The following WDFY2 variants were observed in gnomAD, a reference collection of about 807,000 sequenced individuals.
The protein encoded by WDFY2 is WD repeat and FYVE domain containing 2, also known as WD repeat and FYVE domain-containing protein 2.
WDFY2 carries 36 observed loss-of-function variants against 56.4 expected under a neutral mutation model. That is an observed-to-expected ratio of 0.64 (90% CI 0.49 to 0.84). WDFY2 has a LOEUF of 0.84. Ranked by LOEUF, WDFY2 falls within the 40% of genes least tolerant of loss-of-function variation. The probability of loss-of-function intolerance (pLI) is 0.00; values close to 1 mark genes in which losing one functional copy is unlikely to be tolerated. For synonymous variants in WDFY2, 176 were observed against 183.7 expected (o/e 0.96, Z 0.34); for missense variants, 444 against 512.2 (o/e 0.87, Z 1.29).
chr13:51,682,714 A>G (rs1416224997), intron 3 of WDFY2, among the ~76,000 whole-genome samples: 1 of 152,234 alleles, frequency 6.6e-6, no homozygotes, highest in African/African-American at 2.4e-5. Context: ...GAAAGCTCTT[A>G]GAACAGTCCC....
At chr13:51,678,507 A>T (rs1593404888) in intron 3 of WDFY2, among the ~76,000 whole-genome samples, 1 of 152,312 alleles carries the variant, frequency 6.6e-6, no homozygotes, top group South Asian at 2.1e-4. Context: ...GGAAAAATTT[A>T]TGCCAATAGT....
At chr13:51,721,797 A>G (rs1240612689) in intron 5 of WDFY2, among the ~76,000 whole-genome samples, 2 of 152,224 alleles carry the variant, frequency 1.3e-5, no homozygotes, top group African/African-American at 4.8e-5. Flanking sequence ...TCCATTGCTA[A>G]ACACTGATGG....
At chr13:51,633,935 A>G (rs1383023437) in intron 1 of WDFY2, among the ~76,000 whole-genome samples, 6 of 152,304 alleles carry the variant, frequency 3.9e-5, no homozygotes, top group African/African-American at 1.4e-4. Flanking sequence ...GCAGTGCCAC[A>G]CTATTTTAGT....
Position 51,764,576 on chromosome 13 carries a change from T to C in WDFY2, c.*4807T>C, listed in dbSNP as rs1224527821. The C allele has an allele frequency of 6.6e-6, 1 of 152,500 alleles. No individual in the cohort carries two copies. The highest frequency in any genetic ancestry group is 1.5e-5 in the Non-Finnish European group (1 of 68,072). 9.4% of individuals were successfully genotyped at this position (152,500 alleles called of 1,614,324 possible). A position where few individuals can be genotyped will look rare whatever the true frequency, so the allele number is the denominator to read the frequency against. On this transcript the variant is annotated 3_prime_UTR_variant, in exon 12 of 12. Transcript: ENST00000298125. The stretch of plus-strand genomic sequence containing the variant: ...CAGAATTGAGCTCGTCACTATCAGA[T>C]GCTGCTGCTCCCTGGCCTCAGAGGA...
intron 9 of WDFY2, 56 bp downstream of exon 9, chr13:51,755,515 G>A: frequency 6.4e-7 from 1 of 1,552,026 alleles, no homozygotes; most frequent in South Asian, 1.1e-5. Context: ...GCTCAACCAT[G>A]TGATCTTAGA....
intron 1 of WDFY2, among the ~76,000 whole-genome samples, chr13:51,640,860 A>G (rs1008204376): frequency 1.3e-5 from 2 of 152,130 alleles, no homozygotes; most frequent in African/African-American, 4.8e-5. Context: ...TAATTCCTCT[A>G]GAGTCCTAGC....
At chr13:51,675,384 G>A (rs1034629710) in intron 3 of WDFY2, 141 bp downstream of exon 3, 9 of 714,750 alleles carry the variant, frequency 1.3e-5, no homozygotes, top group South Asian at 5.6e-5. Flanking sequence ...AAATTATGGC[G>A]AGGTAAGAGA....
intron 1 of WDFY2, among the ~76,000 whole-genome samples, chr13:51,629,537 G>A (rs1249097014): frequency 1.3e-5 from 2 of 152,048 alleles, no homozygotes; most frequent in African/African-American, 2.4e-5. Flanking sequence ...TAATATAAAT[G>A]AAATAAAGGT....
intron 6 of WDFY2, among the ~76,000 whole-genome samples, chr13:51,733,516 G>T (rs1952768962): frequency 1.3e-5 from 2 of 152,222 alleles, no homozygotes; most frequent in African/African-American, 4.8e-5. Flanking sequence ...CGGGAAACCA[G>T]TGATGAAGTT....
At position 51,766,427 on chromosome 13, in the gene WDFY2, C is replaced by CTT. The variant is rs1235193115; in HGVS notation, c.*6660_*6661dup. ...CATATTACCGTATGGATATCTTTTTCTTTCTTTTTTTAAAGTGAGGAGATT... is the reference window on the plus strand; with the variant it reads ...CATATTACCGTATGGATATCTTTTTCTTTTTCTTTTTTTAAAGTGAGGAGATT... On this transcript the variant is annotated 3_prime_UTR_variant, in exon 12 of 12. Coordinates refer to ENST00000298125, the MANE Select transcript of WDFY2 (RefSeq NM_052950.4). The CTT allele has an allele frequency of 6.6e-6, 1 of 152,172 alleles. No individual in the cohort carries two copies. Among genetic ancestry groups the CTT allele is most frequent in the African/African-American group, 2.4e-5 (1 of 41,434 alleles). 9.4% of individuals were successfully genotyped at this position (152,172 alleles called of 1,614,324 possible). A position where few individuals can be genotyped will look rare whatever the true frequency, so the allele number is the denominator to read the frequency against.
chr13:51,648,616 T>G (rs1247889489), intron 1 of WDFY2, among the ~76,000 whole-genome samples: 2 of 151,902 alleles, frequency 1.3e-5, no homozygotes, highest in Non-Finnish European at 2.9e-5. Flanking sequence ...GGAAGCAATT[T>G]TGGGGCTAGG....
At chr13:51,653,202 A>C (rs147804000) in intron 1 of WDFY2, among the ~76,000 whole-genome samples, 1 of 152,172 alleles carries the variant, frequency 6.6e-6, no homozygotes, top group Admixed American at 6.5e-5. Context: ...CGAATCGGCT[A>C]CTGAGGCTTG....
intron 1 of WDFY2, among the ~76,000 whole-genome samples, chr13:51,631,868 G>A (rs2138381931): frequency 6.6e-6 from 1 of 152,054 alleles, no homozygotes; most frequent in African/African-American, 2.4e-5. Flanking sequence ...GCTCACTGCT[G>A]TTTCTCTTAT....
chr13:51,648,452 G>A (rs1313506030), intron 1 of WDFY2, among the ~76,000 whole-genome samples: 2 of 152,298 alleles, frequency 1.3e-5, no homozygotes, highest in African/African-American at 2.4e-5. Flanking sequence ...TGGGCCTGAT[G>A]TAGTGCTTGA....
chr13:51,759,046 G>A (rs905247382), intron 11 of WDFY2, among the ~76,000 whole-genome samples: 5 of 152,156 alleles, frequency 3.3e-5, no homozygotes, highest in Non-Finnish European at 5.9e-5. Flanking sequence ...GCCAGACGTG[G>A]TGGTTCCTGC....
intron 1 of WDFY2, among the ~76,000 whole-genome samples, chr13:51,595,041 G>A (rs1045523834): frequency 6.6e-6 from 1 of 152,106 alleles, no homozygotes; most frequent in Non-Finnish European, 1.5e-5. Flanking sequence ...GAAGGGCGAG[G>A]TTAACTCTGT....
chr13:51,611,719 A>G (rs4555048), intron 1 of WDFY2, among the ~76,000 whole-genome samples: 20,784 of 152,114 alleles, frequency 0.14, 1,771 homozygotes, highest in South Asian at 0.24. Flanking sequence ...TCCCTTTGCC[A>G]GGGGTTTGGT....
At position 51,693,188 on chromosome 13, in the gene WDFY2, A is replaced by G. The variant is rs556712144; in HGVS notation, c.280-10408A>G. Among the ~76,000 whole-genome samples the G allele has an allele frequency of 5.4e-5, 8 of 148,772 alleles. No individual in the cohort carries two copies. In the South Asian group the frequency reaches 6.5e-4, roughly 12 times the overall value. ...TTTTTGAAGGTTTTTTTGTGTCTCT[A>G]TTTCCTTCATTTTAGTTATTTCTTG... On this transcript the variant is annotated intron_variant, in intron 3 of 11. Transcript: ENST00000298125.
In WDFY2 at chr13:51,761,580, G is replaced by A. The variant is rs1032195983; in HGVS notation, c.*1811G>A. 5 of 152,182 alleles carry A rather than the reference G, an allele frequency of 3.3e-5. No homozygotes were observed. The highest frequency in any genetic ancestry group is 7.3e-5 in the Non-Finnish European group (5 of 68,044). 9.4% of individuals were successfully genotyped at this position (152,182 alleles called of 1,614,324 possible). A position where few individuals can be genotyped will look rare whatever the true frequency, so the allele number is the denominator to read the frequency against. On this transcript the variant is annotated 3_prime_UTR_variant, in exon 12 of 12. Coordinates refer to ENST00000298125, the MANE Select transcript of WDFY2 (RefSeq NM_052950.4). ...GGTTTTTTGGCAGTAATACACATGG[G>A]AGTGAAATTGAAATCCTCCCTATTA...
Sources: gnomAD v4.1 joint callset for allele counts (sites outside exome capture counted in the v4.1 genomes callset) on GRCh38, gnomAD v4.1.1 for gene constraint, MANE v1.5 for transcripts, NCBI Gene and HGNC (gene_info 2026-07-23, HGNC 2026-07-21) for gene names.